Variants in ZNF777 observed in about 807,000 individuals in gnomAD.
The protein encoded by ZNF777 is zinc finger protein 777.
In ZNF777, 7 loss-of-function variants were observed where a neutral mutation model predicts 72.1. The ratio of observed to expected loss-of-function variants is 0.10; its 90% CI spans 0.06 to 0.18. ZNF777 has a LOEUF of 0.18. Ranked by LOEUF, ZNF777 falls within the 10% of genes least tolerant of loss-of-function variation. The probability of loss-of-function intolerance (pLI) is 1.00; values close to 1 mark genes in which losing one functional copy is unlikely to be tolerated. For synonymous variants in ZNF777, 545 were observed against 483.5 expected (o/e 1.13, Z -1.67); for missense variants, 828 against 1,128.6 (o/e 0.73, Z 3.82).
At chr7:149,451,356 T>C (rs1164537426) in intron 3 of ZNF777, among the ~76,000 whole-genome samples, 1 of 152,034 alleles carries the variant, frequency 6.6e-6, no homozygotes, top group Admixed American at 6.6e-5. Context: ...GCCCAGGTTT[T>C]CATGATAAAG....
At chr7:149,434,104 C>G (rs1799372776) in intron 5 of ZNF777, among the ~76,000 whole-genome samples, 1 of 152,140 alleles carries the variant, frequency 6.6e-6, no homozygotes, top group African/African-American at 2.4e-5. Context: ...CCCCATTTTA[C>G]AGATGGGTCA....
intron 4 of ZNF777, among the ~76,000 whole-genome samples, chr7:149,448,414 G>A (rs989193818): frequency 6.7e-6 from 1 of 148,962 alleles, no homozygotes; most frequent in Non-Finnish European, 1.5e-5. Flanking sequence ...AGGTTGCAGT[G>A]AGCAGAGATC....
Position 149,432,840 on chromosome 7 carries a change from G to A in ZNF777, c.1432C>T (p.Leu478=), listed in dbSNP as rs1393963632. The part of the protein sequence containing the change: ...LPQHLQSLGQ[L]SGRYEASMYQ... ...ATACTGGCCTCATATCTCCCGGACA[G>A]CTGCCCAAGGGATTGCAAGTGCTGC... Residue 478 remains leucine (L), a synonymous_variant, in exon 6 of 6, where the codon CTG becomes TTG. Coordinates refer to ENST00000247930, the MANE Select transcript of ZNF777 (RefSeq NM_015694.3). 2.5e-6 allele frequency: 4 copies of A among 1,590,808 alleles called. No homozygotes were observed. The highest frequency in any genetic ancestry group is 3.4e-6 in the Non-Finnish European group (4 of 1,166,548).
chr7:149,449,217 TC>T (rs1004988193), intron 4 of ZNF777, among the ~76,000 whole-genome samples: 1 of 152,176 alleles, frequency 6.6e-6, no homozygotes, highest in Non-Finnish European at 1.5e-5. Flanking sequence ...ACCTATGTCC[TC>T]CCCTTTCCTC....
rs1422333815 is a variant in ZNF777, at chr7:149,431,547, G to A, written c.*229C>T. 4.3e-6 allele frequency: 2 copies of A among 460,780 alleles called. No individual in the cohort carries two copies. The highest frequency in any genetic ancestry group is 1.6e-5 in the South Asian group (1 of 63,424). The allele number at this position is 460,780 out of a possible 1,614,324, so 28.5% of individuals were successfully genotyped here. The stretch of plus-strand genomic sequence containing the variant: ...TCAAGGAAATTAACAGCCCGAAAGG[G>A]TTCCCCAGGTCCGCGCCCTCCCCCC... On this transcript the variant is annotated 3_prime_UTR_variant, in exon 6 of 6. Transcript: ENST00000247930.
rs1799340262 is a variant in ZNF777, at chr7:149,432,737, G to T, written c.1535C>A (p.Ala512Glu). 12 of 1,611,930 alleles carry T rather than the reference G, an allele frequency of 7.4e-6. No homozygotes were observed. Among genetic ancestry groups the T allele is most frequent in the Non-Finnish European group, 1.0e-5 (12 of 1,178,540 alleles). The part of the protein sequence containing the change: ...SPPPLQLGNP[A>E]VKRLAPSVHG... The stretch of plus-strand genomic sequence containing the variant: ...CACGGAGGGCGCCAGCCTTTTCACT[G>T]CGGGGTTTCCTAGCTGCAGGGGCGG... Residue 512 changes from alanine (A) to glutamate (E), a missense_variant, in exon 6 of 6, where the codon GCA becomes GAA. Ala to Glu is a moderately radical substitution (Grantham distance 107). Around this residue, in one of 12 missense-constraint regions of ZNF777, gnomAD observed 219 missense variants for 223.0 expected, o/e 0.98. Transcript: ENST00000247930.
At chr7:149,443,624 C>G (rs1286877887) in intron 4 of ZNF777, among the ~76,000 whole-genome samples, 2 of 152,136 alleles carry the variant, frequency 1.3e-5, no homozygotes, top group Non-Finnish European at 2.9e-5. Context: ...CATAGTTGAA[C>G]AGTTCTTCAA....
At chr7:149,447,673 C>A (rs73166020) in intron 4 of ZNF777, among the ~76,000 whole-genome samples, 5,205 of 152,250 alleles carry the variant, frequency 0.034, 126 homozygotes, top group South Asian at 0.073. Context: ...CCAGACCATC[C>A]CCCCTGCAGT....
At chr7:149,437,006 T>C (rs1437263557) in intron 4 of ZNF777, among the ~76,000 whole-genome samples, 180 bp from the exon 5 acceptor site, 1 of 152,212 alleles carries the variant, frequency 6.6e-6, no homozygotes, top group Non-Finnish European at 1.5e-5. Flanking sequence ...CCTTGTAGCT[T>C]TGAATACCAA....
intron 1 of ZNF777, 107 bp from the exon 2 acceptor site, chr7:149,456,144 CAAT>C: frequency 1.6e-6 from 2 of 1,220,138 alleles, no homozygotes; most frequent in Non-Finnish European, 2.2e-6. Flanking sequence ...CGTTTGGTAG[CAAT>C]AATATGTGCC....
intron 3 of ZNF777, 58 bp downstream of exon 3, chr7:149,454,053 T>C (rs1357688029): frequency 1.9e-6 from 3 of 1,606,392 alleles, no homozygotes; most frequent in Admixed American, 1.7e-5. Context: ...CCTAAGTTTA[T>C]GAATGCACTT....
chr7:149,458,629 C>T (rs1262184544), intron 1 of ZNF777, among the ~76,000 whole-genome samples: 2 of 152,234 alleles, frequency 1.3e-5, no homozygotes, highest in African/African-American at 4.8e-5. Context: ...AATACTATTT[C>T]TTTGCTATTA....
rs551553421 is a variant in ZNF777 at position 149,435,693 on chromosome 7, C to T, written c.1339+882G>A. On this transcript the variant is annotated intron_variant, in intron 5 of 5. Coordinates refer to ENST00000247930, the MANE Select transcript of ZNF777 (RefSeq NM_015694.3). ...AATGACTCACACATAAACGAAACAT[C>T]CAGACAAAAACAAAAGTCCATGTGG... Among the ~76,000 whole-genome samples, 3 of 152,120 alleles carry T rather than the reference C, an allele frequency of 2.0e-5. No individual in the cohort carries two copies. The East Asian group carries it at 5.8e-4, about 29-fold the overall frequency.
chr7:149,448,101 C>A (rs773230552), intron 4 of ZNF777, among the ~76,000 whole-genome samples: 2 of 152,050 alleles, frequency 1.3e-5, no homozygotes, highest in Non-Finnish European at 2.9e-5. Flanking sequence ...ATTTTGGATT[C>A]TTTTTCCTGC....
At chr7:149,454,007 G>T in intron 3 of ZNF777, 104 bp downstream of exon 3, 1 of 1,512,170 alleles carries the variant, frequency 6.6e-7, no homozygotes, top group South Asian at 1.2e-5. Context: ...TGTTCTCCTT[G>T]CTTGCAACTA....
In ZNF777 at chr7:149,455,288, C is replaced by A; in HGVS notation, c.735G>T (p.Leu245=). 6.2e-7 allele frequency: 1 copy of A among 1,614,226 alleles called. No homozygotes were observed. The highest frequency in any genetic ancestry group is 8.5e-7 in the Non-Finnish European group (1 of 1,180,040). The change falls in exon 2 of 6, where the codon CTG becomes CTT. Residue 245 remains leucine (L), a synonymous_variant. Transcript: ENST00000247930. The surrounding 1 kb of genome is among the most constrained non-coding windows in gnomAD (Gnocchi z 4.2). ...GCCTCTGCAGCAGCCCATACTCCTGCAGCAGGGTCCCCAACACGACCCACT... is the reference window on the plus strand; with the variant it reads ...GCCTCTGCAGCAGCCCATACTCCTGAAGCAGGGTCCCCAACACGACCCACT... ...ESKWVVLGTL[L]QEYGLLQRRL...
intron 4 of ZNF777, among the ~76,000 whole-genome samples, chr7:149,438,992 C>T (rs1245821981): frequency 6.6e-6 from 1 of 152,152 alleles, no homozygotes; most frequent in African/African-American, 2.4e-5. Flanking sequence ...TGTCTGTGTC[C>T]TATTCTCTAT....
chr7:149,456,957 G>A (rs1799845797), intron 1 of ZNF777, among the ~76,000 whole-genome samples: 1 of 152,174 alleles, frequency 6.6e-6, no homozygotes, highest in African/African-American at 2.4e-5. Context: ...CCTAGGAGTG[G>A]GCAGCAGTCC....
At chr7:149,450,361 C>T (rs1799690940) in intron 4 of ZNF777, among the ~76,000 whole-genome samples, 1 of 152,148 alleles carries the variant, frequency 6.6e-6, no homozygotes, top group Non-Finnish European at 1.5e-5. Context: ...CTGTGCCAGG[C>T]CCTACGGTTA....
Sources: gnomAD v4.1 joint callset for allele counts (sites outside exome capture counted in the v4.1 genomes callset) on GRCh38, gnomAD v4.1.1 for gene constraint, gnomAD v4.1.1 regional missense constraint, Gnocchi (gnomAD v3.1) non-coding constraint, MANE v1.5 for transcripts, NCBI Gene and HGNC (gene_info 2026-07-23, HGNC 2026-07-21) for gene names.